Variants in CLDN10 observed in about 807,000 individuals in gnomAD.
The protein encoded by CLDN10 is claudin 10, also known as claudin-10.
In CLDN10, 15 loss-of-function variants were observed where a neutral mutation model predicts 22.9. That is an observed-to-expected ratio of 0.65 (90% CI 0.44 to 1.01). The LOEUF (loss-of-function observed/expected upper bound fraction) is 1.01, where lower values mean the gene tolerates loss of function less well. Among genes scored for constraint, CLDN10 ranks in the 50% least tolerant of loss-of-function variants. The pLI, the probability that CLDN10 is intolerant of heterozygous loss-of-function variation, is 0.00. For missense variants in CLDN10, 247 were observed against 287.8 expected (o/e 0.86, Z 1.03); for synonymous variants, 114 against 111.4 (o/e 1.02, Z -0.15).
Position 95,546,029 on chromosome 13 carries a change from T to C in CLDN10, c.215-14103T>C, listed in dbSNP as rs900441869. On this transcript the variant is annotated intron_variant, in intron 1 of 4. Coordinates refer to the CLDN10 transcript ENST00000376873. ...GAGTGAGCCTTGCTCAGGATACCAT[T>C]AAACAGCATATTATTGAACTTCAAT... Among the ~76,000 whole-genome samples the C allele has an allele frequency of 6.6e-5, 10 of 152,346 alleles. No individual in the cohort carries two copies. The South Asian group carries it at 1.0e-3, about 16-fold the overall frequency.
In CLDN10 at chr13:95,516,721, T is replaced by C. The variant is rs534973601; in HGVS notation, c.215-43411T>C. Among the ~76,000 whole-genome samples, 7 of 152,296 alleles carry C rather than the reference T, an allele frequency of 4.6e-5. 1 individual carries two copies. The highest frequency in any genetic ancestry group is 2.6e-4 in the Admixed American group (4 of 15,294). On this transcript the variant is annotated intron_variant, in intron 1 of 4. Coordinates refer to the CLDN10 transcript ENST00000376873. ...AGCAGTGAAACCTGTCAGGCAGCTA[T>C]GGAAAAGGCTTTGGATCTCTGTGTG...
intron 1 of CLDN10, among the ~76,000 whole-genome samples, chr13:95,557,042 C>T (rs1050917691): frequency 2.0e-4 from 30 of 152,202 alleles, no homozygotes; most frequent in African/African-American, 7.0e-4. Flanking sequence ...TTTCAAAGTA[C>T]CACTTGAACT....
chr13:95,484,759 G>A (rs371340570), intron 1 of CLDN10, among the ~76,000 whole-genome samples: 4 of 150,926 alleles, frequency 2.7e-5, no homozygotes, highest in East Asian at 1.9e-4. Context: ...CCAGCTACTC[G>A]GGAGGCTGAG....
At chr13:95,443,967 G>C (rs1266130957) in intron 1 of CLDN10, among the ~76,000 whole-genome samples, 1 of 152,168 alleles carries the variant, frequency 6.6e-6, no homozygotes, top group Non-Finnish European at 1.5e-5. Context: ...GTGGTGTTTG[G>C]ACTGTGGGAC....
upstream of CLDN10, among the ~76,000 whole-genome samples, chr13:95,548,735 C>A (rs1336161856): frequency 6.6e-6 from 1 of 152,170 alleles, no homozygotes; most frequent in Non-Finnish European, 1.5e-5. Context: ...TACTTGGCTC[C>A]TGGGCAGTTG....
intron 1 of CLDN10, among the ~76,000 whole-genome samples, chr13:95,441,365 G>A (rs552814105): frequency 1.6e-4 from 24 of 152,108 alleles, no homozygotes; most frequent in African/African-American, 4.3e-4. Context: ...CCATCTCATC[G>A]TCCTGAGTAG....
At chr13:95,564,004 G>A (rs1436987825) in intron 3 of CLDN10, among the ~76,000 whole-genome samples, 1 of 152,194 alleles carries the variant, frequency 6.6e-6, no homozygotes, top group Non-Finnish European at 1.5e-5. Flanking sequence ...GCATTTGCTG[G>A]AATTTGATAA....
At chr13:95,508,264 T>A (rs1368332144) in intron 1 of CLDN10, among the ~76,000 whole-genome samples, 6 of 152,306 alleles carry the variant, frequency 3.9e-5, no homozygotes, top group Non-Finnish European at 4.4e-5. Flanking sequence ...ATTAACATTC[T>A]TGTGGCCAGG....
intron 1 of CLDN10, among the ~76,000 whole-genome samples, chr13:95,475,814 G>GTCTCTCTCTC (rs2042680504): frequency 6.6e-6 from 1 of 150,734 alleles, no homozygotes; most frequent in Non-Finnish European, 1.5e-5. Context: ...GTCTCTCTCT[G>GTCTCTCTCTC]TCCCTCTCTC....
At chr13:95,471,463 T>A (rs1312643303) in intron 1 of CLDN10, among the ~76,000 whole-genome samples, 9 of 118,910 alleles carry the variant, frequency 7.6e-5, no homozygotes, top group Admixed American at 5.7e-4. Context: ...ATTTTTTTTT[T>A]TTTTTTTGAG....
At chr13:95,573,143 A>G (rs2043883192) in intron 3 of CLDN10, among the ~76,000 whole-genome samples, 1 of 152,214 alleles carries the variant, frequency 6.6e-6, no homozygotes, top group African/African-American at 2.4e-5. Flanking sequence ...TTGAGAAAAT[A>G]ATAAGTGGTT....
Position 95,451,511 on chromosome 13 carries a change from G to A in CLDN10, c.214+17464G>A, listed in dbSNP as rs187376917. Among the ~76,000 whole-genome samples, 558 of 152,262 alleles carry A rather than the reference G, an allele frequency of 3.7e-3. 4 individuals carry two copies. The highest frequency in any genetic ancestry group is 0.013 in the African/African-American group (547 of 41,540). On this transcript the variant is annotated intron_variant, in intron 1 of 4. Coordinates refer to the CLDN10 transcript ENST00000376873. ...AGTGGCACAGTCATAGCTCACAGCA[G>A]CCTCCAACTCCTGGGCTCAAGCTAT...
intron 1 of CLDN10, among the ~76,000 whole-genome samples, chr13:95,488,193 C>G (rs1229235193): frequency 6.7e-6 from 1 of 148,480 alleles, no homozygotes; most frequent in East Asian, 2.0e-4. Flanking sequence ...CCGTCTTAGC[C>G]AGGCTGGTCT....
intron 1 of CLDN10, among the ~76,000 whole-genome samples, chr13:95,536,216 C>T (rs557635547): frequency 1.5e-4 from 22 of 150,602 alleles, no homozygotes; most frequent in Middle Eastern, 3.5e-3. Flanking sequence ...TCTGCTTCAT[C>T]TAAGCAGAAA....
At chr13:95,468,057 T>G (rs940551454) in intron 1 of CLDN10, among the ~76,000 whole-genome samples, 1 of 152,184 alleles carries the variant, frequency 6.6e-6, no homozygotes, top group Non-Finnish European at 1.5e-5. Context: ...TAATCTCATC[T>G]AAAAACGCCC....
At chr13:95,487,802 G>A (rs892328069) in intron 1 of CLDN10, among the ~76,000 whole-genome samples, 2 of 151,756 alleles carry the variant, frequency 1.3e-5, no homozygotes, top group Non-Finnish European at 2.9e-5. Context: ...AGCTTCCCGA[G>A]TATCTAGGAC....
intron 1 of CLDN10, among the ~76,000 whole-genome samples, chr13:95,528,129 C>T (rs141194822): frequency 4.2e-4 from 64 of 152,270 alleles, no homozygotes; most frequent in African/African-American, 1.5e-3. Context: ...TATGGTTTGG[C>T]TGTGTCCTCA....
At chr13:95,453,683 A>T (rs1309322315) in intron 1 of CLDN10, among the ~76,000 whole-genome samples, 2 of 139,460 alleles carry the variant, frequency 1.4e-5, no homozygotes, top group East Asian at 3.9e-4. Flanking sequence ...GATCCATCTC[A>T]AAAAGAAAAA....
In CLDN10 at chr13:95,560,132, G is replaced by A. The variant is rs1388478541; in HGVS notation, c.221G>A (p.Gly74Asp). The A allele has an allele frequency of 6.2e-7, 1 of 1,611,064 alleles. No homozygotes were observed. The highest frequency in any genetic ancestry group is 8.5e-7 in the Non-Finnish European group (1 of 1,178,156). The change falls in exon 2 of 5, where the codon GGT becomes GAT. Residue 74 changes from glycine (G) to aspartate (D), a missense_variant and splice_region_variant. Coordinates refer to ENST00000299339, the MANE Select transcript of CLDN10 (RefSeq NM_006984.5). ...CGTAAATGACCTACTCTAATTGCAG[G>A]TTATATACAGGCATGTAGAGGACTT... ...KDFPSMLALD[G>D]YIQACRGLMI...
Sources: allele counts gnomAD v4.1 joint callset (sites outside exome capture counted in the v4.1 genomes callset), GRCh38; gene constraint gnomAD v4.1.1; transcripts MANE v1.5; gene names NCBI Gene and HGNC (gene_info 2026-07-23, HGNC 2026-07-21).